Variants in PABPN1 observed in about 807,000 individuals in gnomAD.
The protein encoded by PABPN1 is poly(A) binding protein nuclear 1.
PABPN1 carries 5 observed loss-of-function variants against 33.4 expected under a neutral mutation model. The ratio of observed to expected loss-of-function variants is 0.15; its 90% CI spans 0.08 to 0.32. The LOEUF (loss-of-function observed/expected upper bound fraction) is 0.32. Ranked by LOEUF, PABPN1 falls within the 10% of genes least tolerant of loss-of-function variation. The probability of loss-of-function intolerance (pLI) is 1.00; values close to 1 mark genes in which losing one functional copy is unlikely to be tolerated. For synonymous variants in PABPN1, 176 were observed against 170.6 expected (o/e 1.03, Z -0.25); for missense variants, 312 against 425.8 (o/e 0.73, Z 2.35).
intron 6 of PABPN1, chr14:23,324,724 A>G (rs539907517): frequency 3.5e-5 from 10 of 287,574 alleles, no homozygotes; most frequent in Non-Finnish European, 6.7e-5. Context: ...ATCCTCCCCA[A>G]CAGCCTTGTG....
In PABPN1 at chr14:23,325,417, T is replaced by C. The variant is rs1176438723; in HGVS notation, c.*131T>C. ...AAAAATATTTTTTAAAAAAAAGATA[T>C]ACTGTGGAAGGGGGGAGAATCCCAT... is the stretch of plus-strand genomic sequence containing the variant. On this transcript the variant is annotated 3_prime_UTR_variant, in exon 7 of 7. Transcript: ENST00000216727. 7 of 1,214,548 alleles carry C rather than the reference T, an allele frequency of 5.8e-6. No individual in the cohort carries two copies. The highest frequency in any genetic ancestry group is 1.6e-5 in the African/African-American group (1 of 62,822). The allele number at this position is 1,214,548 out of a possible 1,614,324, so 75.2% of individuals were successfully genotyped here.
At chr14:23,322,497 C>T (rs1888387158) in intron 2 of PABPN1, 9 of 614,514 alleles carry the variant, frequency 1.5e-5, no homozygotes, top group East Asian at 5.8e-5. Flanking sequence ...TAGCCTTGTG[C>T]CTCCCTTTGT....
In PABPN1 at chr14:23,321,655, G is replaced by GGAGCCC; in HGVS notation, c.192_197dup (p.Pro70_Glu71dup). ...AACTGGAGCCTGAGGAGCTGCTGCT[G>GGAGCCC]GAGCCCGAGCCGGAGCCCGAGCCCG... is the stretch of plus-strand genomic sequence containing the variant. On this transcript the variant is annotated inframe_insertion, in exon 1 of 7. Transcript: ENST00000216727. The GGAGCCC allele has an allele frequency of 6.6e-7, 1 of 1,514,624 alleles. No homozygotes were observed. Among genetic ancestry groups the GGAGCCC allele is most frequent in the Non-Finnish European group, 8.9e-7 (1 of 1,117,944 alleles). The allele number at this position is 1,514,624 out of a possible 1,614,324, so 93.8% of individuals were successfully genotyped here. A position where few individuals can be genotyped will look rare whatever the true frequency, so the allele number is the denominator to read the frequency against.
Position 23,321,742 on chromosome 14 carries a change from A to G in PABPN1, c.273A>G (p.Gly91=). 1 of 1,539,646 alleles carries G rather than the reference A, an allele frequency of 6.5e-7. No homozygotes were observed. The part of the protein sequence containing the change: ...PGAPGPGPGS[G]APGSQEEEEE... Reference sequence around the variant, plus strand: ...CTCCGGGCCCTGGGCCTGGTTCGGGAGCCCCCGGCAGCCAAGAGGAGGAGG... The same window carrying G: ...CTCCGGGCCCTGGGCCTGGTTCGGGGGCCCCCGGCAGCCAAGAGGAGGAGG... The change falls in exon 1 of 7, where the codon GGA becomes GGG. Residue 91 remains glycine (G), a synonymous_variant. Transcript: ENST00000216727.
chr14:23,321,913 TG>T, intron 1 of PABPN1, 93 bp downstream of exon 1: 1 of 208,586 alleles, frequency 4.8e-6, no homozygotes, highest in Non-Finnish European at 8.2e-6. Flanking sequence ...AGGCGGGGGG[TG>T]GGGTTGGGCG....
At chr14:23,322,059 C>CCTCG (rs1250992473) in intron 1 of PABPN1, 122 bp from the exon 2 acceptor site, 70 of 1,070,446 alleles carry the variant, frequency 6.5e-5, no homozygotes, top group Non-Finnish European at 9.5e-5. Flanking sequence ...TTATCACGAC[C>CCTCG]CTCGCATGGG....
chr14:23,321,502 G>GGGGGCTGCGGGCGGTC lies in PABPN1; in HGVS notation c.40_55dup (p.Ser19CysfsTer40). On this transcript the variant is annotated frameshift_variant, in exon 1 of 7. Transcript: ENST00000216727. LOFTEE classifies it high-confidence loss of function. ...CGGCGGCGGCGGCGGCAGCAGCAGC[G>GGGGGCTGCGGGCGGTC]GGGGCTGCGGGCGGTCGGGGCTCCG... is the stretch of plus-strand genomic sequence containing the variant. The GGGGGCTGCGGGCGGTC allele has an allele frequency of 8.2e-7, 1 of 1,223,370 alleles. No individual in the cohort carries two copies. The highest frequency in any genetic ancestry group is 1.0e-6 in the Non-Finnish European group (1 of 980,990). The allele number at this position is 1,223,370 out of a possible 1,614,324, so 75.8% of individuals were successfully genotyped here.
At position 23,321,480 on chromosome 14, in the gene PABPN1, CGGCGGCGGCGGCAGCAGCAGCGGG is replaced by C. The variant is rs962227986; in HGVS notation, c.15_38del (p.Ala7_Ala14del). ...CCAGTCTGAGCGGCGATGGCGGCGG[CGGCGGCGGCGGCAGCAGCAGCGGG>C]GGCTGCGGGCGGTCGGGGCTCCGGG... On this transcript the variant is annotated inframe_deletion, in exon 1 of 7. Transcript: ENST00000216727. 8.5e-7 allele frequency: 1 copy of C among 1,171,428 alleles called. No homozygotes were observed. Among genetic ancestry groups the C allele is most frequent in the African/African-American group, 1.6e-5 (1 of 61,708 alleles). 72.6% of individuals were successfully genotyped at this position (1,171,428 alleles called of 1,614,324 possible).
At chr14:23,324,377 C>T (rs1475089649) in intron 6 of PABPN1, 88 bp downstream of exon 6, 16 of 1,311,538 alleles carry the variant, frequency 1.2e-5, no homozygotes, top group Non-Finnish European at 1.2e-5. Flanking sequence ...CCTCCCTCCC[C>T]CCACCCCTCC....
intron 2 of PABPN1, 169 bp from the exon 3 acceptor site, chr14:23,322,830 G>C: frequency 1.3e-6 from 1 of 752,142 alleles, no homozygotes; most frequent in Non-Finnish European, 2.4e-6. Context: ...GTGAGTACCT[G>C]CTATGCACTA....
intron 6 of PABPN1, 134 bp from the exon 7 acceptor site, chr14:23,325,113 T>A: frequency 1.7e-6 from 2 of 1,170,998 alleles, no homozygotes; most frequent in Non-Finnish European, 2.4e-6. Context: ...GATCATGGGG[T>A]CAGTTTTAGG....
intron 4 of PABPN1, among the ~76,000 whole-genome samples, chr14:23,323,714 A>T (rs1888505804): frequency 6.6e-6 from 1 of 152,220 alleles, no homozygotes; most frequent in African/African-American, 2.4e-5. Flanking sequence ...GGGGAGGGGC[A>T]GCTTCTACTT....
Position 23,321,496 on chromosome 14 carries a change from A to C in PABPN1, c.27A>C (p.Ala9=). The change falls in exon 1 of 7, where the codon GCA becomes GCC. Residue 9 remains alanine (A), a synonymous_variant. Coordinates refer to ENST00000216727, the MANE Select transcript of PABPN1 (RefSeq NM_004643.4). MAAAAAAA[A]AAGAAGGRGS... Reference sequence around the variant, plus strand: ...TGGCGGCGGCGGCGGCGGCGGCAGCAGCAGCGGGGGCTGCGGGCGGTCGGG... The same window carrying C: ...TGGCGGCGGCGGCGGCGGCGGCAGCCGCAGCGGGGGCTGCGGGCGGTCGGG... 1 of 1,214,848 alleles carries C rather than the reference A, an allele frequency of 8.2e-7. No individual in the cohort carries two copies. Among genetic ancestry groups the C allele is most frequent in the Non-Finnish European group, 1.0e-6 (1 of 976,226 alleles). The allele number at this position is 1,214,848 out of a possible 1,614,324, so 75.3% of individuals were successfully genotyped here. A position where few individuals can be genotyped will look rare whatever the true frequency, so the allele number is the denominator to read the frequency against.
intron 6 of PABPN1, chr14:23,324,755 T>C (rs1027992489): frequency 3.0e-5 from 8 of 265,092 alleles, no homozygotes; most frequent in Non-Finnish European, 5.8e-5. Flanking sequence ...GAGATACTTA[T>C]TCTTTATTTG....
In PABPN1 at chr14:23,326,046, G is replaced by A. The variant is rs1888744044; in HGVS notation, c.*760G>A. ...TTTCCCTTTTATTTGGAGGGAATGG[G>A]AGGAAGTGGGAACAGGGAGGTGGGA... On this transcript the variant is annotated 3_prime_UTR_variant, in exon 7 of 7. Coordinates refer to ENST00000216727, the MANE Select transcript of PABPN1 (RefSeq NM_004643.4). 1 of 152,014 alleles carries A rather than the reference G, an allele frequency of 6.6e-6. No homozygotes were observed. The highest frequency in any genetic ancestry group is 2.1e-4 in the South Asian group (1 of 4,798). 9.4% of individuals were successfully genotyped at this position (152,014 alleles called of 1,614,324 possible).
intron 6 of PABPN1, chr14:23,324,581 T>A: frequency 5.4e-6 from 3 of 560,294 alleles, no homozygotes; most frequent in Non-Finnish European, 9.6e-6. Flanking sequence ...TGAAGGTGTT[T>A]GCGGACAAAA....
intron 4 of PABPN1, 73 bp from the exon 5 acceptor site, chr14:23,323,892 G>A (rs1317812050): frequency 1.3e-6 from 2 of 1,496,500 alleles, no homozygotes; most frequent in African/African-American, 2.8e-5. Flanking sequence ...CCAAAACGAA[G>A]CATGCCTGCA....
chr14:23,323,856 A>G lies in PABPN1; in HGVS notation c.642-109A>G, dbSNP rs909650686. ...TTTTCCATTTAGAAGAATTTTGACA[A>G]ATAAAAAATATAACTGCATTGTAGC... On this transcript the variant is annotated intron_variant, in intron 4 of 6. Coordinates refer to ENST00000216727, the MANE Select transcript of PABPN1 (RefSeq NM_004643.4). The G allele has an allele frequency of 3.7e-5, 41 of 1,118,348 alleles. No homozygotes were observed. In the African/African-American group the frequency reaches 6.1e-4, roughly 17 times the overall value. 69.3% of individuals were successfully genotyped at this position (1,118,348 alleles called of 1,614,324 possible).
Position 23,325,252 on chromosome 14 carries a change from G to A in PABPN1, c.887G>A (p.Arg296Gln), listed in dbSNP as rs1173802358. The A allele has an allele frequency of 3.1e-6, 5 of 1,612,892 alleles. No homozygotes were observed. Among genetic ancestry groups the A allele is most frequent in the Admixed American group, 1.7e-5 (1 of 59,852 alleles). ...SRPRGRVYRG[R>Q]ARATSWYSPY ...ACTCTCCTTCTTTCTTCCAGGGGCC[G>A]GGCTAGAGCGACATCATGGTATTCC... The change falls in exon 7 of 7, where the codon CGG becomes CAG. Residue 296 changes from arginine (R) to glutamine (Q), a missense_variant. Arg to Gln is a conservative substitution (Grantham distance 43). Transcript: ENST00000216727.
Sources: allele counts gnomAD v4.1 joint callset (sites outside exome capture counted in the v4.1 genomes callset), GRCh38; gene constraint gnomAD v4.1.1; transcripts MANE v1.5; gene names NCBI Gene and HGNC (gene_info 2026-07-23, HGNC 2026-07-21).